LRRC37A3: variants seen among roughly 807,000 people sequenced by gnomAD.
LRRC37A3 encodes leucine-rich repeat-containing protein 37A3.
Under a neutral mutation model 106.2 loss-of-function variants are expected in LRRC37A3, and 25 were observed. The observed-to-expected ratio is 0.24, with a 90% CI of 0.17 to 0.33. The LOEUF (loss-of-function observed/expected upper bound fraction) is 0.33, where lower values mean the gene tolerates loss of function less well. Among genes scored for constraint, LRRC37A3 ranks in the 10% least tolerant of loss-of-function variants. The pLI is 1.00. For missense variants in LRRC37A3, 712 were observed against 1,644.9 expected (o/e 0.43, Z 9.81); for synonymous variants, 305 against 635.8 (o/e 0.48, Z 7.83).
rs970427995 is a variant in LRRC37A3, at chr17:64,859,351, C to T, written c.4704+91G>A. 10 of 1,373,128 alleles carry T rather than the reference C, an allele frequency of 7.3e-6. No individual in the cohort carries two copies. The African/African-American group carries it at 1.3e-4, about 18-fold the overall frequency. The allele number at this position is 1,373,128 out of a possible 1,614,324, so 85.1% of individuals were successfully genotyped here. On this transcript the variant is annotated intron_variant, in intron 12 of 14. Transcript: ENST00000584306. ...TTACATGGCCAAGATAAGCTATGGCCTGGGAGTCCCAGATTCTTCTGTGTG... is the reference window on the plus strand; with the variant it reads ...TTACATGGCCAAGATAAGCTATGGCTTGGGAGTCCCAGATTCTTCTGTGTG...
At chr17:64,915,199 A>G (rs1055262791) in intron 2 of LRRC37A3, among the ~76,000 whole-genome samples, 2 of 152,014 alleles carry the variant, frequency 1.3e-5, no homozygotes, top group African/African-American at 2.4e-5. Flanking sequence ...TTTGATCATT[A>G]CACACTGTAT....
intron 8 of LRRC37A3, among the ~76,000 whole-genome samples, chr17:64,869,599 G>A (rs1258724300): frequency 4.2e-5 from 6 of 141,790 alleles, no homozygotes; most frequent in Non-Finnish European, 6.0e-5. Flanking sequence ...GCAATGGCTC[G>A]ATCTTGGCTC....
intron 5 of LRRC37A3, 77 bp downstream of exon 5, chr17:64,892,452 C>CGACCTCAAAATTCTGGACCAA (rs1973979804): frequency 2.7e-5 from 17 of 632,472 alleles, no homozygotes. Flanking sequence ...TCAGAGGTAC[C>CGACCTCAAAATTCTGGACCAA]GACCTCAAAA....
At chr17:64,855,817 A>G (rs371269441) in intron 14 of LRRC37A3, 23 bp downstream of exon 14, 295 of 1,611,540 alleles carry the variant, frequency 1.8e-4, no homozygotes, top group Non-Finnish European at 2.4e-4. Flanking sequence ...AAAAGAAAAA[A>G]AAATCACCAG....
intron 8 of LRRC37A3, among the ~76,000 whole-genome samples, chr17:64,869,747 G>C (rs548215060): frequency 1.3e-5 from 2 of 151,984 alleles, no homozygotes; most frequent in South Asian, 4.2e-4. Flanking sequence ...TACCATGTTG[G>C]CCAGGCTGGT....
chr17:64,914,853 G>A (rs1255230671), intron 2 of LRRC37A3, among the ~76,000 whole-genome samples: 1 of 148,238 alleles, frequency 6.7e-6, no homozygotes, highest in Non-Finnish European at 1.5e-5. Context: ...AGAACTGGAG[G>A]ACATTATGTT....
intron 12 of LRRC37A3, 110 bp from the exon 13 acceptor site, chr17:64,858,993 A>C: frequency 1.3e-6 from 1 of 780,580 alleles, no homozygotes; most frequent in Non-Finnish European, 2.1e-6. Flanking sequence ...TCACTCTGTC[A>C]CCCAGGCTGG....
intron 2 of LRRC37A3, among the ~76,000 whole-genome samples, chr17:64,910,387 C>T (rs2143621359): frequency 6.6e-6 from 1 of 152,414 alleles, no homozygotes; most frequent in Non-Finnish European, 1.5e-5. Flanking sequence ...CTGTTGACTC[C>T]TTTAGAGCAC....
At position 64,868,349 on chromosome 17, in the gene LRRC37A3, C is replaced by A. The variant is rs370151202; in HGVS notation, c.3053+113G>T. On this transcript the variant is annotated intron_variant, in intron 10 of 14. Transcript: ENST00000584306. Reference sequence around the variant, plus strand: ...CTCATCAAACTGTACACTTAAAAAGCGTGAATGTTACTATATGAAAATTAT... The same window carrying A: ...CTCATCAAACTGTACACTTAAAAAGAGTGAATGTTACTATATGAAAATTAT... The A allele has an allele frequency of 3.5e-4, 238 of 677,796 alleles. 1 individual carries two copies. In the East Asian group the frequency reaches 4.9e-3, roughly 14 times the overall value. 42.0% of individuals were successfully genotyped at this position (677,796 alleles called of 1,614,324 possible).
intron 10 of LRRC37A3, among the ~76,000 whole-genome samples, chr17:64,864,945 G>A (rs548246804): frequency 2.0e-5 from 3 of 152,144 alleles, no homozygotes; most frequent in Non-Finnish European, 4.4e-5. Context: ...TGAGTTGGGG[G>A]TACAATGTAT....
At chr17:64,910,993 T>A (rs545531412) in intron 2 of LRRC37A3, among the ~76,000 whole-genome samples, 4 of 152,148 alleles carry the variant, frequency 2.6e-5, no homozygotes, top group Non-Finnish European at 5.9e-5. Flanking sequence ...TTAAAATGCA[T>A]TATTTCATTT....
At chr17:64,866,614 ATATATATATATATATTTTTT>A (rs1239254718) in intron 10 of LRRC37A3, among the ~76,000 whole-genome samples, 2 of 23,112 alleles carry the variant, frequency 8.7e-5, no homozygotes, top group African/African-American at 4.3e-4. Context: ...ATATATATAT[ATATATATATATATATTTTTT>A]TTTTTTTTTT....
chr17:64,880,496 C>G (rs139860011), intron 8 of LRRC37A3, among the ~76,000 whole-genome samples: 1,894 of 152,216 alleles, frequency 0.012, 41 homozygotes, highest in African/African-American at 0.043. Flanking sequence ...ATTTCTGGTT[C>G]AAGTCCTTCA....
chr17:64,911,349 C>CT (rs1974585931), intron 2 of LRRC37A3, among the ~76,000 whole-genome samples: 1 of 140,960 alleles, frequency 7.1e-6, no homozygotes, highest in South Asian at 2.5e-4. Context: ...TGTCTTTCTT[C>CT]TTTTTCTTTT....
In LRRC37A3 at chr17:64,860,243, G is replaced by T; in HGVS notation, c.3903C>A (p.Ser1301=). The change falls in exon 12 of 15, where the codon TCC becomes TCA. Residue 1301 remains serine, a synonymous_variant. Coordinates refer to ENST00000584306, the MANE Select transcript of LRRC37A3 (RefSeq NM_199340.5). ...NMKTSKPIVH[S]RKKYRFHKTR... ...TTTTGTGAAAGCGGTATTTTTTTCT[G>T]GAATGTACGATGGGTTTAGATGTCT... is the stretch of plus-strand genomic sequence containing the variant. 1 of 1,613,918 alleles carries T rather than the reference G, an allele frequency of 6.2e-7. No individual in the cohort carries two copies. Among genetic ancestry groups the T allele is most frequent in the Non-Finnish European group, 8.5e-7 (1 of 1,179,860 alleles).
chr17:64,914,643 G>A (rs1366103071), intron 2 of LRRC37A3, among the ~76,000 whole-genome samples: 1 of 148,692 alleles, frequency 6.7e-6, no homozygotes, highest in African/African-American at 2.5e-5. Context: ...GGCCAAGGCA[G>A]GAGGATTGCT....
chr17:64,869,139 A>T lies in LRRC37A3; in HGVS notation c.2934T>A (p.Thr978=). 1.9e-6 allele frequency: 3 copies of T among 1,612,914 alleles called. No individual in the cohort carries two copies. Among genetic ancestry groups the T allele is most frequent in the Non-Finnish European group, 2.5e-6 (3 of 1,179,544 alleles). ...KLILNHNPLT[T]VEDPYLFKLP... is the part of the protein sequence containing the mutation. Reference sequence around the variant, plus strand: ...ATTTAAAGAGATATGGATCTTCAACAGTTGTCAGAGGATTGTGATTGAGAA... The same window carrying T: ...ATTTAAAGAGATATGGATCTTCAACTGTTGTCAGAGGATTGTGATTGAGAA... Residue 978 remains threonine, a synonymous_variant, in exon 9 of 15, where the codon ACT becomes ACA. Transcript: ENST00000584306.
chr17:64,919,151 C>G (rs1974773443), intron 1 of LRRC37A3, among the ~76,000 whole-genome samples: 1 of 151,670 alleles, frequency 6.6e-6, no homozygotes, highest in Non-Finnish European at 1.5e-5. Flanking sequence ...GAGCGGAACC[C>G]CGGATGGGTC....
chr17:64,919,113 C>T (rs1974772452), intron 1 of LRRC37A3, among the ~76,000 whole-genome samples: 1 of 151,666 alleles, frequency 6.6e-6, no homozygotes, highest in African/African-American at 2.4e-5. Flanking sequence ...CGGCGGCCCA[C>T]CTGCCCCGGC....
Sources: gnomAD v4.1 joint callset for allele counts (sites outside exome capture counted in the v4.1 genomes callset) on GRCh38, gnomAD v4.1.1 for gene constraint, MANE v1.5 for transcripts, NCBI Gene and HGNC (gene_info 2026-07-23, HGNC 2026-07-21) for gene names.